The following CLGN variants were observed in gnomAD, a reference collection of about 807,000 sequenced individuals.
CLGN encodes testis tissue sperm-binding protein Li 79P.
Under a neutral mutation model 79.1 loss-of-function variants are expected in CLGN, and 62 were observed. That is an observed-to-expected ratio of 0.78 (90% CI 0.64 to 0.97). The LOEUF (loss-of-function observed/expected upper bound fraction) is 0.97, where lower values mean the gene tolerates loss of function less well. CLGN is among the 50% of genes least tolerant of loss of function. The pLI is 0.00. For missense variants in CLGN, 647 were observed against 715.5 expected (o/e 0.90, Z 1.09); for synonymous variants, 225 against 224.7 (o/e 1.00, Z -0.01).
rs142190851 is a variant in CLGN at position 140,388,658 on chromosome 4, G to T, written c.*566C>A. ...ATAATCCAGTGATTTTATGAACAAGGCATGTCCTTAAAGGAATCTATAATT... is the reference window on the plus strand; with the variant it reads ...ATAATCCAGTGATTTTATGAACAAGTCATGTCCTTAAAGGAATCTATAATT... On this transcript the variant is annotated 3_prime_UTR_variant, in exon 15 of 15. Transcript: ENST00000325617. 6.6e-6 allele frequency: 1 copy of T among 151,924 alleles called. No homozygotes were observed. Among genetic ancestry groups the T allele is most frequent in the Non-Finnish European group, 1.5e-5 (1 of 67,812 alleles). 9.4% of individuals were successfully genotyped at this position (151,924 alleles called of 1,614,324 possible). A position where few individuals can be genotyped will look rare whatever the true frequency, so the allele number is the denominator to read the frequency against.
At chr4:140,405,475 C>T (rs897050627) in intron 5 of CLGN, among the ~76,000 whole-genome samples, 12 of 152,032 alleles carry the variant, frequency 7.9e-5, no homozygotes, top group Admixed American at 1.3e-4. Flanking sequence ...TGAGCCACCG[C>T]GCCCGGCGAT....
chr4:140,396,871 A>G (rs1295901843), intron 8 of CLGN, among the ~76,000 whole-genome samples: 1 of 39,946 alleles, frequency 2.5e-5, no homozygotes, highest in African/African-American at 6.3e-5. Context: ...GCATATATAT[A>G]TACATATATA....
intron 12 of CLGN, 81 bp from the exon 13 acceptor site, chr4:140,392,459 A>G (rs1560738073): frequency 2.0e-6 from 3 of 1,484,500 alleles, no homozygotes; most frequent in East Asian, 2.3e-5. Context: ...GATAACATAC[A>G]TAATGAACTA....
At chr4:140,402,199 T>C (rs1729012415) in intron 5 of CLGN, 133 bp from the exon 6 acceptor site, 2 of 494,982 alleles carry the variant, frequency 4.0e-6, no homozygotes, top group Non-Finnish European at 7.1e-6. Context: ...ATATAAAGCA[T>C]ATCTACAACC....
At chr4:140,392,139 T>A (rs1728783869) in intron 13 of CLGN, 80 bp downstream of exon 13, 1 of 1,424,216 alleles carries the variant, frequency 7.0e-7, no homozygotes, top group African/African-American at 1.4e-5. Context: ...ACAAGTATAA[T>A]AACTAGTTAT....
chr4:140,415,296 C>G (rs1171599234), intron 1 of CLGN, among the ~76,000 whole-genome samples: 2 of 151,752 alleles, frequency 1.3e-5, no homozygotes, highest in Non-Finnish European at 2.9e-5. Flanking sequence ...CATCAACTAA[C>G]GAGCAAAATA....
At chr4:140,396,890 T>TATATATATATATAC in intron 8 of CLGN, among the ~76,000 whole-genome samples, 1 of 51,508 alleles carries the variant, frequency 1.9e-5, no homozygotes, top group South Asian at 7.9e-4. Context: ...TATATATATA[T>TATATATATATATAC]GTATATATAT....
chr4:140,396,158 G>T lies in CLGN; in HGVS notation c.932C>A (p.Pro311His), dbSNP rs758698466. 6.8e-6 allele frequency: 11 copies of T among 1,613,996 alleles called. No individual in the cohort carries two copies. The South Asian group carries it at 1.2e-4, about 18-fold the overall frequency. Residue 311 changes from proline to histidine, a missense_variant, in exon 9 of 15, where the codon CCT becomes CAT. Transcript: ENST00000325617. ...AQIEDSSVVK[P>H]AGWLDDEPKF... ...TGGTTCATCATCAAGCCAGCCAGCAGGTTTAACAACACTTGAATCTTCTAT... is the reference window on the plus strand; with the variant it reads ...TGGTTCATCATCAAGCCAGCCAGCATGTTTAACAACACTTGAATCTTCTAT...
Position 140,410,646 on chromosome 4 carries a change from A to G in CLGN, c.145-20T>C. On this transcript the variant is annotated intron_variant, in intron 2 of 14. Coordinates refer to ENST00000325617, the MANE Select transcript of CLGN (RefSeq NM_004362.3). ...TTTAATCTAGAAAAGAGATTTTCCA[A>G]GTCTAAAGTTATTCATTTTCACAAA... The G allele has an allele frequency of 7.2e-7, 1 of 1,393,078 alleles. No homozygotes were observed. Among genetic ancestry groups the G allele is most frequent in the Non-Finnish European group, 1.0e-6 (1 of 989,466 alleles). The allele number at this position is 1,393,078 out of a possible 1,614,324, so 86.3% of individuals were successfully genotyped here. A position where few individuals can be genotyped will look rare whatever the true frequency, so the allele number is the denominator to read the frequency against.
At chr4:140,408,822 T>C (rs1729156835) in intron 4 of CLGN, among the ~76,000 whole-genome samples, 1 of 150,746 alleles carries the variant, frequency 6.6e-6, no homozygotes, top group Non-Finnish European at 1.5e-5. Context: ...TACTGCTTTT[T>C]CTGTGCATAT....
chr4:140,390,250 G>A (rs1728746948), intron 14 of CLGN, among the ~76,000 whole-genome samples: 1 of 151,620 alleles, frequency 6.6e-6, no homozygotes, highest in Non-Finnish European at 1.5e-5. Flanking sequence ...GTAAAATGTT[G>A]AGACAATAAA....
chr4:140,422,022 A>C (rs1178130464), intron 1 of CLGN, among the ~76,000 whole-genome samples: 2 of 152,166 alleles, frequency 1.3e-5, no homozygotes, highest in African/African-American at 4.8e-5. Context: ...CCCCAATATC[A>C]TCTCATGAGA....
intron 5 of CLGN, 43 bp from the exon 6 acceptor site, chr4:140,402,109 T>C (rs1026215994): frequency 2.0e-6 from 2 of 993,610 alleles, no homozygotes; most frequent in Non-Finnish European, 3.0e-6. Context: ...TAAATAAAAT[T>C]TACTAGTTGC....
chr4:140,398,586 T>C (rs1728938215), intron 8 of CLGN, among the ~76,000 whole-genome samples: 1 of 152,010 alleles, frequency 6.6e-6, no homozygotes, highest in African/African-American at 2.4e-5. Flanking sequence ...GTATTTTGGA[T>C]TTATGAAATT....
At position 140,396,003 on chromosome 4, in the gene CLGN, C is replaced by T. The variant is rs754761466; in HGVS notation, c.999-34G>A. On this transcript the variant is annotated intron_variant, in intron 9 of 14. Coordinates refer to ENST00000325617, the MANE Select transcript of CLGN (RefSeq NM_004362.3). Reference sequence around the variant, plus strand: ...ATTAAAACAAAGCAAATACAGTAACCTCAAGTCTCAGATCAGTCATATAAA... The same window carrying T: ...ATTAAAACAAAGCAAATACAGTAACTTCAAGTCTCAGATCAGTCATATAAA... The T allele has an allele frequency of 5.6e-6, 9 of 1,605,104 alleles. No individual in the cohort carries two copies. In the African/African-American group the frequency reaches 9.4e-5, roughly 17 times the overall value.
At chr4:140,418,975 T>C (rs1729404181) in intron 1 of CLGN, among the ~76,000 whole-genome samples, 1 of 152,150 alleles carries the variant, frequency 6.6e-6, no homozygotes, top group South Asian at 2.1e-4. Context: ...AATGATAGAA[T>C]GGATTAAGAA....
intron 2 of CLGN, among the ~76,000 whole-genome samples, chr4:140,411,545 G>A (rs1452415560): frequency 6.6e-6 from 1 of 152,116 alleles, no homozygotes; most frequent in Admixed American, 6.5e-5. Flanking sequence ...AGTGAGATTA[G>A]ATTGTATCTG....
chr4:140,409,984 T>A (rs17839475), intron 3 of CLGN, 89 bp from the exon 4 acceptor site: 41,565 of 792,710 alleles, frequency 0.052, 1,604 homozygotes, highest in African/African-American at 0.12. Context: ...CAATAAAAGA[T>A]CACCCAATAC....
Position 140,390,192 on chromosome 4 carries a change from C to A in CLGN, c.1752+436G>T, listed in dbSNP as rs538574619. On this transcript the variant is annotated intron_variant, in intron 14 of 14. Transcript: ENST00000325617. ...GATTTGAGAAAAATACCCTATCAGG[C>A]AGATAGTACTCAACTACCCAATGAA... Among the ~76,000 whole-genome samples the A allele has an allele frequency of 4.6e-5, 7 of 151,806 alleles. No individual in the cohort carries two copies. The East Asian group carries it at 1.4e-3, about 29-fold the overall frequency.
Sources: gnomAD v4.1 joint callset for allele counts (sites outside exome capture counted in the v4.1 genomes callset) on GRCh38, gnomAD v4.1.1 for gene constraint, MANE v1.5 for transcripts, NCBI Gene and HGNC (gene_info 2026-07-23, HGNC 2026-07-21) for gene names.